APBB2: variants seen among roughly 807,000 people sequenced by gnomAD.
APBB2 encodes amyloid beta precursor protein binding family B member 2.
A neutral mutation model predicts 82.5 loss-of-function variants in APBB2; 38 were observed. The observed-to-expected ratio is 0.46, with a 90% CI of 0.36 to 0.60. The LOEUF (loss-of-function observed/expected upper bound fraction) is 0.60. Among genes scored for constraint, APBB2 ranks in the 20% least tolerant of loss-of-function variants. APBB2 has a pLI of 0.00. For synonymous variants in APBB2, 341 were observed against 368.2 expected (o/e 0.93, Z 0.85); for missense variants, 772 against 972.3 (o/e 0.79, Z 2.74).
chr4:40,827,409 G>A (rs1160100129), intron 13 of APBB2, among the ~76,000 whole-genome samples, 190 bp from the exon 14 acceptor site: 2 of 152,114 alleles, frequency 1.3e-5, no homozygotes, highest in African/African-American at 4.8e-5. Flanking sequence ...TTTCTCTGGG[G>A]ATGATAGGTG....
intron 1 of APBB2, among the ~76,000 whole-genome samples, chr4:41,162,719 G>A (rs1765490982): frequency 6.6e-6 from 1 of 152,100 alleles, no homozygotes; most frequent in Non-Finnish European, 1.5e-5. Flanking sequence ...AGCCGGGCAA[G>A]GTGGCATACA....
At chr4:41,176,697 TTAG>T (rs1410950329) in intron 1 of APBB2, among the ~76,000 whole-genome samples, 1 of 152,008 alleles carries the variant, frequency 6.6e-6, no homozygotes, top group Non-Finnish European at 1.5e-5. Context: ...GGCCCATAGT[TTAG>T]GATCAAAGTT....
intron 5 of APBB2, among the ~76,000 whole-genome samples, chr4:41,027,375 ATATATATATATATATATATATATATATAT>A (rs1714801935): frequency 2.9e-5 from 1 of 34,704 alleles, no homozygotes. Flanking sequence ...ATATATATAT[ATATATATATATATATATATATATATATAT>A]AACATTTTCA....
chr4:40,861,037 AC>A (rs1354744365), intron 12 of APBB2, among the ~76,000 whole-genome samples: 1 of 151,986 alleles, frequency 6.6e-6, no homozygotes, highest in African/African-American at 2.4e-5. Context: ...ATATAGCGAG[AC>A]CCCCATATCT....
intron 6 of APBB2, among the ~76,000 whole-genome samples, chr4:41,005,836 G>A (rs1806557471): frequency 6.6e-6 from 1 of 152,220 alleles, no homozygotes; most frequent in East Asian, 1.9e-4. Context: ...GCTCTCCCCA[G>A]ATCTCCATCA....
In APBB2 at chr4:40,904,021, C is replaced by T. The variant is rs186330229; in HGVS notation, c.1255-10610G>A. ...ATAGCGCATGTTTTGTGATATTTCC[C>T]TAAGAGTTAAGTACAGCCCTCTGTC... On this transcript the variant is annotated intron_variant, in intron 10 of 17. Coordinates refer to ENST00000508593, the MANE Select transcript of APBB2 (RefSeq NM_004307.2). Among the ~76,000 whole-genome samples, 6 of 152,226 alleles carry T rather than the reference C, an allele frequency of 3.9e-5. No individual in the cohort carries two copies. The East Asian group carries it at 9.6e-4, about 24-fold the overall frequency.
In APBB2 at chr4:40,813,288, A is replaced by G. The variant is rs900120927; in HGVS notation, c.*2804T>C. On this transcript the variant is annotated 3_prime_UTR_variant, in exon 18 of 18. Transcript: ENST00000508593. ...ACAATAATGCAGTATATTTCAGTAA[A>G]AATAGAATAAATAAAATAAAAATAT... 6.6e-6 allele frequency: 1 copy of G among 152,232 alleles called. No individual in the cohort carries two copies. Among genetic ancestry groups the G allele is most frequent in the African/African-American group, 2.4e-5 (1 of 41,450 alleles). 9.4% of individuals were successfully genotyped at this position (152,232 alleles called of 1,614,324 possible).
At chr4:41,111,152 C>T (rs1749070325) in intron 2 of APBB2, among the ~76,000 whole-genome samples, 1 of 152,174 alleles carries the variant, frequency 6.6e-6, no homozygotes, top group African/African-American at 2.4e-5. Context: ...GGAGGCGGAG[C>T]TCAGGCAGTA....
rs1739681335 is a variant in APBB2, at chr4:41,086,402, GC to G, written c.-149+14236del. 7.9e-5 allele frequency among the ~76,000 whole-genome samples: 12 copies of G among 152,212 alleles called. No homozygotes were observed. In the South Asian group the frequency reaches 2.5e-3, roughly 32 times the overall value. ...GCCATTATTTCTTATGAAAATTGATGCAAAAATCATTAGCAGAAGACTACTA... is the reference window on the plus strand; with the variant it reads ...GCCATTATTTCTTATGAAAATTGATGAAAAATCATTAGCAGAAGACTACTA... On this transcript the variant is annotated intron_variant, in intron 3 of 17. Transcript: ENST00000508593.
intron 10 of APBB2, among the ~76,000 whole-genome samples, chr4:40,920,787 C>T (rs1170204722): frequency 6.6e-6 from 1 of 152,184 alleles, no homozygotes; most frequent in Admixed American, 6.5e-5. Flanking sequence ...AGGAGAATCA[C>T]TTGAATCTGG....
chr4:40,867,009 G>A (rs1469433544), intron 12 of APBB2, among the ~76,000 whole-genome samples: 1 of 152,152 alleles, frequency 6.6e-6, no homozygotes, highest in Non-Finnish European at 1.5e-5. Context: ...GCCTGCCTCG[G>A]CCTCCCAAAA....
Position 40,984,395 on chromosome 4 carries a change from G to T in APBB2, c.835+29188C>A, listed in dbSNP as rs28729729. The stretch of plus-strand genomic sequence containing the variant: ...AAGGACTTAATTTCTGAGAAAAACA[G>T]AAGTTGATCATGGAAAATAAGCAAC... On this transcript the variant is annotated intron_variant, in intron 6 of 17. Coordinates refer to ENST00000508593, the MANE Select transcript of APBB2 (RefSeq NM_004307.2). Among the ~76,000 whole-genome samples, 1,375 of 152,018 alleles carry T rather than the reference G, an allele frequency of 9.0e-3. 19 individuals carry two copies. The highest frequency in any genetic ancestry group is 0.031 in the African/African-American group (1,277 of 41,480).
intron 5 of APBB2, among the ~76,000 whole-genome samples, chr4:41,021,201 G>A (rs145993868): frequency 0.013 from 1,909 of 152,232 alleles, 64 homozygotes; most frequent in East Asian, 0.065. Flanking sequence ...GAACCGACCC[G>A]CTGGCCCTTT....
chr4:41,061,984 CCTTCTCCAGGGAACAGTTGTGG>C (rs1048017471), intron 4 of APBB2, among the ~76,000 whole-genome samples: 10 of 152,092 alleles, frequency 6.6e-5, no homozygotes, highest in African/African-American at 2.4e-4. Flanking sequence ...AAATCGTTTC[CCTTCTCCAGGGAACAGTTGTGG>C]CCCTGTTCAG....
At chr4:41,001,880 A>G (rs1329299959) in intron 6 of APBB2, among the ~76,000 whole-genome samples, 4 of 151,194 alleles carry the variant, frequency 2.6e-5, no homozygotes, top group Non-Finnish European at 5.9e-5. Flanking sequence ...TCCGCCTCAA[A>G]AAAAAAAAAA....
intron 1 of APBB2, among the ~76,000 whole-genome samples, chr4:41,199,817 A>T (rs10034740): frequency 0.2 from 29,690 of 152,086 alleles, 3,881 homozygotes; most frequent in African/African-American, 0.37. Flanking sequence ...CTAGTGGCAA[A>T]CTTGTGCATT....
At chr4:41,137,834 C>A (rs762749400) in intron 2 of APBB2, among the ~76,000 whole-genome samples, 31 of 152,042 alleles carry the variant, frequency 2.0e-4, no homozygotes, top group Non-Finnish European at 4.0e-4. Context: ...TAAACATAGA[C>A]CCAAACCTCA....
At chr4:41,130,938 C>G (rs77697940) in intron 2 of APBB2, among the ~76,000 whole-genome samples, 10,672 of 152,250 alleles carry the variant, frequency 0.07, 535 homozygotes, top group Non-Finnish European at 0.1. Context: ...AGCCCTTCAA[C>G]TGCTCCACAT....
chr4:40,952,923 C>CT (rs1488499841), intron 6 of APBB2, among the ~76,000 whole-genome samples: 5 of 152,172 alleles, frequency 3.3e-5, no homozygotes, highest in Non-Finnish European at 7.3e-5. Flanking sequence ...GAGGCACTAT[C>CT]TTTATCCCCA....
Sources: allele counts gnomAD v4.1 joint callset (sites outside exome capture counted in the v4.1 genomes callset), GRCh38; gene constraint gnomAD v4.1.1; transcripts MANE v1.5; gene names NCBI Gene and HGNC (gene_info 2026-07-23, HGNC 2026-07-21).